The following SUFU variants were observed in gnomAD, a reference collection of about 807,000 sequenced individuals.
SUFU encodes the protein suppressor of fused homolog.
In SUFU, 7 loss-of-function variants were observed where a neutral mutation model predicts 58.9. The observed-to-expected ratio is 0.12, with a 90% CI of 0.07 to 0.22. The LOEUF (loss-of-function observed/expected upper bound fraction) is 0.22, where lower values mean the gene tolerates loss of function less well. SUFU is among the 10% of genes least tolerant of loss of function. SUFU has a pLI of 1.00. For synonymous variants in SUFU, 232 were observed against 254.8 expected, an observed-to-expected ratio of 0.91 and a Z score of 0.85; for missense variants, 451 against 641.3, an observed-to-expected ratio of 0.70 and a Z score of 3.20.
At position 102,617,433 on chromosome 10, in the gene SUFU, G is replaced by A; in HGVS notation, c.1296+5G>A. ...GCTCATGGACCCTGGTTACAAGTGA[G>A]AAGGCCCTTTTTCTTCTCCCTCCTT... On this transcript the variant is annotated splice_donor_5th_base_variant and intron_variant, in intron 10 of 11. Transcript: ENST00000369902. This position sits in a 1 kb window ranked among gnomAD's most constrained non-coding sequence, Gnocchi z 4.4. 6.2e-7 allele frequency: 1 copy of A among 1,614,236 alleles called. No homozygotes were observed. Among genetic ancestry groups the A allele is most frequent in the Non-Finnish European group, 8.5e-7 (1 of 1,180,044 alleles).
chr10:102,565,146 GCTT>G (rs1479874841), intron 3 of SUFU, among the ~76,000 whole-genome samples: 1 of 152,168 alleles, frequency 6.6e-6, no homozygotes, highest in African/African-American at 2.4e-5. Context: ...GATTACCTGG[GCTT>G]CTTTTGTGCC....
At position 102,524,324 on chromosome 10, in the gene SUFU, C is replaced by CTTT. The variant is rs1384276713; in HGVS notation, c.317+15023_317+15025dup. Among the ~76,000 whole-genome samples the CTTT allele has an allele frequency of 8.3e-5, 10 of 119,872 alleles. 3 individuals carry two copies. The highest frequency in any genetic ancestry group is 1.3e-4 in the African/African-American group (4 of 31,296). The allele number at this position is 119,872 out of a possible 152,430, so 78.6% of individuals were successfully genotyped here. ...CCAGCCTAATTTTTCTTTTTCTTTT[C>CTTT]TTTTCTTTTTTTTTTTTTTGAGATG... On this transcript the variant is annotated intron_variant, in intron 2 of 11. Transcript: ENST00000369902.
chr10:102,531,683 G>A (rs1375446074), intron 2 of SUFU, among the ~76,000 whole-genome samples: 1 of 152,104 alleles, frequency 6.6e-6, no homozygotes, highest in Non-Finnish European at 1.5e-5. Context: ...TGCCTTCAAA[G>A]TAAGATATTG....
chr10:102,539,720 T>C (rs1282513649), intron 2 of SUFU, among the ~76,000 whole-genome samples: 1 of 152,220 alleles, frequency 6.6e-6, no homozygotes, highest in Non-Finnish European at 1.5e-5. Context: ...ATTTACTTAC[T>C]TATTCATTTA....
intron 2 of SUFU, among the ~76,000 whole-genome samples, chr10:102,518,089 A>C (rs1181483618): frequency 3.3e-5 from 5 of 152,220 alleles, no homozygotes; most frequent in African/African-American, 1.2e-4. Flanking sequence ...TCAGTGTTCC[A>C]AGAAACTTTA....
intron 7 of SUFU, 64 bp from the exon 8 acceptor site, chr10:102,599,369 A>G: frequency 7.8e-7 from 1 of 1,289,222 alleles, no homozygotes; most frequent in South Asian, 1.2e-5. Context: ...CCAGGTTTCA[A>G]GAGCGGGGTG....
At chr10:102,568,962 A>ATATATATATC (rs1409831622) in intron 3 of SUFU, among the ~76,000 whole-genome samples, 8 of 80,918 alleles carry the variant, frequency 9.9e-5, no homozygotes, top group Admixed American at 2.9e-4. Context: ...ATATATATAT[A>ATATATATATC]TCTATAGCAG....
At chr10:102,580,029 A>ACCCCCCGCCCCCCCC (rs2063257965) in intron 3 of SUFU, among the ~76,000 whole-genome samples, 1 of 84,664 alleles carries the variant, frequency 1.2e-5, no homozygotes, top group Non-Finnish European at 2.5e-5. Context: ...CCTCCCCCGC[A>ACCCCCCGCCCCCCCC]CCCCCCCCCC....
intron 2 of SUFU, among the ~76,000 whole-genome samples, chr10:102,523,335 C>G (rs2062572734): frequency 6.6e-6 from 1 of 152,152 alleles, no homozygotes; most frequent in South Asian, 2.1e-4. Flanking sequence ...GGAGCCCTGC[C>G]TCCGACCACC....
rs149768712 is a variant in SUFU at position 102,619,221 on chromosome 10, C to T, written c.1296+1793C>T. On this transcript the variant is annotated intron_variant, in intron 10 of 11. Coordinates refer to ENST00000369902, the MANE Select transcript of SUFU (RefSeq NM_016169.4). This position sits in a 1 kb window ranked among gnomAD's most constrained non-coding sequence, Gnocchi z 4.2. ...CATTGCCCCTCAGTCCCCTGAATGC[C>T]CTTCGGACCCAACCCCAATTCCCCA... The T allele has an allele frequency of 0.013, 20,800 of 1,549,536 alleles. 184 individuals carry two copies. Among genetic ancestry groups the T allele is most frequent in the Non-Finnish European group, 0.016 (18,222 of 1,151,608 alleles).
chr10:102,572,961 C>T, intron 3 of SUFU: 1 of 1,297,744 alleles, frequency 7.7e-7, no homozygotes, highest in Non-Finnish European at 1.1e-6. Flanking sequence ...TGTCTTCTAT[C>T]TTCTTCATGG....
rs1195515917 is a variant in SUFU, at chr10:102,629,576, C to T, written c.1366-490C>T. 2.0e-5 allele frequency among the ~76,000 whole-genome samples: 3 copies of T among 152,324 alleles called. No homozygotes were observed. The highest frequency in any genetic ancestry group is 4.1e-4 in the South Asian group (2 of 4,830). On this transcript the variant is annotated intron_variant, in intron 11 of 11. Transcript: ENST00000369902. The surrounding 1 kb of genome is among the most constrained non-coding windows in gnomAD (Gnocchi z 4.7). ...TCTGACTTTGGGGCCGAACTGGGGC[C>T]TCCTTCCCTTTGGAGCCTTTGGCCA...
intron 2 of SUFU, among the ~76,000 whole-genome samples, chr10:102,533,887 A>G (rs774122454): frequency 3.0e-4 from 46 of 152,244 alleles, no homozygotes; most frequent in South Asian, 1.4e-3. Flanking sequence ...AAATGTGGGC[A>G]TTAGGGAACA....
At chr10:102,606,905 T>C (rs538275933) in intron 8 of SUFU, among the ~76,000 whole-genome samples, 1 of 152,148 alleles carries the variant, frequency 6.6e-6, no homozygotes, top group South Asian at 2.1e-4. Context: ...TGATCCCAGA[T>C]GACAACGGTA....
At chr10:102,513,857 T>C (rs2062431831) in intron 2 of SUFU, among the ~76,000 whole-genome samples, 1 of 152,158 alleles carries the variant, frequency 6.6e-6, no homozygotes, top group Non-Finnish European at 1.5e-5. Flanking sequence ...TTTTAAGTTA[T>C]CCTCTCCTTT....
chr10:102,545,631 G>T (rs965770819), intron 2 of SUFU, among the ~76,000 whole-genome samples: 2 of 152,138 alleles, frequency 1.3e-5, no homozygotes, highest in African/African-American at 4.8e-5. Context: ...TATGATAGAG[G>T]GTGTGGAGGG....
At chr10:102,577,988 C>A (rs554823417) in intron 3 of SUFU, among the ~76,000 whole-genome samples, 2 of 149,208 alleles carry the variant, frequency 1.3e-5, no homozygotes, top group Admixed American at 1.3e-4. Flanking sequence ...GCCAGGACTA[C>A]GAGTTTAAAA....
chr10:102,559,013 G>A (rs543315795), intron 3 of SUFU, among the ~76,000 whole-genome samples: 89 of 152,294 alleles, frequency 5.8e-4, no homozygotes, highest in Non-Finnish European at 9.3e-4. Flanking sequence ...TGTTCTCAAG[G>A]ACCTGAGTTG....
chr10:102,535,555 A>ACAT (rs2062728704), intron 2 of SUFU, among the ~76,000 whole-genome samples: 1 of 152,016 alleles, frequency 6.6e-6, no homozygotes, highest in Non-Finnish European at 1.5e-5. Flanking sequence ...GGAAGAAGTG[A>ACAT]CATCACCCCT....
Sources: gnomAD v4.1 joint callset for allele counts (sites outside exome capture counted in the v4.1 genomes callset) on GRCh38, gnomAD v4.1.1 for gene constraint, Gnocchi (gnomAD v3.1) non-coding constraint, MANE v1.5 for transcripts, NCBI Gene and HGNC (gene_info 2026-07-23, HGNC 2026-07-21) for gene names.